The following ARHGAP42 variants were observed in gnomAD, a reference collection of about 807,000 sequenced individuals.
ARHGAP42 encodes the protein rho GTPase-activating protein 42.
A neutral mutation model predicts 125.0 loss-of-function variants in ARHGAP42; 63 were observed. That is an observed-to-expected ratio of 0.50 (90% CI 0.41 to 0.62). The LOEUF (loss-of-function observed/expected upper bound fraction) is 0.62, where lower values mean the gene tolerates loss of function less well. ARHGAP42 is among the 20% of genes least tolerant of loss of function. ARHGAP42 has a pLI of 0.00. For synonymous variants in ARHGAP42, 339 were observed against 351.0 expected (o/e 0.97, Z 0.38); for missense variants, 766 against 1,024.2 (o/e 0.75, Z 3.44).
At chr11:100,979,143 C>G (rs183048955) in intron 22 of ARHGAP42, 94 bp downstream of exon 22, 5 of 1,239,554 alleles carry the variant, frequency 4.0e-6, no homozygotes, top group East Asian at 5.1e-5. Context: ...CTCCGCCTCT[C>G]CATTATGCAG....
intron 4 of ARHGAP42, among the ~76,000 whole-genome samples, chr11:100,894,926 GC>G (rs1226867740): frequency 1.3e-5 from 2 of 152,168 alleles, no homozygotes; most frequent in Non-Finnish European, 2.9e-5. Context: ...AACACACAGG[GC>G]CGCAACACCT....
chr11:100,756,902 G>T (rs1182029534), intron 1 of ARHGAP42, among the ~76,000 whole-genome samples: 4 of 152,072 alleles, frequency 2.6e-5, no homozygotes, highest in African/African-American at 9.7e-5. Flanking sequence ...TTTACTTTGT[G>T]CTTAGTTTTT....
At chr11:100,738,904 T>C (rs1338981693) in intron 1 of ARHGAP42, among the ~76,000 whole-genome samples, 1 of 152,204 alleles carries the variant, frequency 6.6e-6, no homozygotes, top group Non-Finnish European at 1.5e-5. Flanking sequence ...TTTAATTTAA[T>C]AGCATTCAAG....
chr11:100,735,152 G>C (rs746093371), intron 1 of ARHGAP42, among the ~76,000 whole-genome samples: 1 of 152,186 alleles, frequency 6.6e-6, no homozygotes, highest in Non-Finnish European at 1.5e-5. Flanking sequence ...AGTTGGACTT[G>C]ACAAAACCAT....
rs768872500 is a variant in ARHGAP42 at position 100,900,105 on chromosome 11, G to T, written c.385-13347G>T. 2.0e-5 allele frequency among the ~76,000 whole-genome samples: 3 copies of T among 152,246 alleles called. No individual in the cohort carries two copies. In the East Asian group the frequency reaches 5.8e-4, roughly 29 times the overall value. ...GACCTCTTGTAAGGCAGGCCTGGTG[G>T]TGACAAAATCTCTTGGCATTTGCTT... is the stretch of plus-strand genomic sequence containing the variant. On this transcript the variant is annotated intron_variant, in intron 4 of 23. Coordinates refer to ENST00000298815, the MANE Select transcript of ARHGAP42 (RefSeq NM_152432.4).
intron 2 of ARHGAP42, among the ~76,000 whole-genome samples, chr11:100,775,048 T>C (rs533194107): frequency 3.6e-4 from 55 of 152,164 alleles, no homozygotes; most frequent in African/African-American, 9.4e-4. Context: ...TCCCTTTTCA[T>C]TGAAGAGCAT....
At chr11:100,882,599 G>A (rs1865988163) in intron 4 of ARHGAP42, among the ~76,000 whole-genome samples, 1 of 151,816 alleles carries the variant, frequency 6.6e-6, no homozygotes, top group African/African-American at 2.4e-5. Flanking sequence ...TGGTATTAGG[G>A]TGGTACTGGC....
At chr11:100,908,803 G>A (rs1866825831) in intron 4 of ARHGAP42, among the ~76,000 whole-genome samples, 1 of 152,138 alleles carries the variant, frequency 6.6e-6, no homozygotes, top group Non-Finnish European at 1.5e-5. Flanking sequence ...TCTATTCTTA[G>A]TTCTTTGCAA....
chr11:100,944,824 G>T (rs1867975472), intron 10 of ARHGAP42, among the ~76,000 whole-genome samples: 1 of 151,978 alleles, frequency 6.6e-6, no homozygotes, highest in Non-Finnish European at 1.5e-5. Flanking sequence ...GAAGGATCTT[G>T]CCTCGATGTT....
intron 17 of ARHGAP42, among the ~76,000 whole-genome samples, chr11:100,966,510 G>T (rs1858098701): frequency 6.6e-6 from 1 of 151,796 alleles, no homozygotes; most frequent in South Asian, 2.1e-4. Flanking sequence ...TGGGAACTCA[G>T]TTTTTTTTCT....
chr11:100,838,968 A>G (rs901418374), intron 3 of ARHGAP42, among the ~76,000 whole-genome samples: 10 of 152,156 alleles, frequency 6.6e-5, no homozygotes, highest in South Asian at 2.1e-4. Flanking sequence ...TAGTGTCCCA[A>G]TGAAATTATA....
At chr11:100,900,654 A>G (rs1174998697) in intron 4 of ARHGAP42, among the ~76,000 whole-genome samples, 1 of 151,916 alleles carries the variant, frequency 6.6e-6, no homozygotes, top group African/African-American at 2.4e-5. Flanking sequence ...TTATTTCATT[A>G]ATTTGATCTT....
At chr11:100,890,826 A>T (rs1486621257) in intron 4 of ARHGAP42, among the ~76,000 whole-genome samples, 2 of 152,166 alleles carry the variant, frequency 1.3e-5, no homozygotes, top group Admixed American at 1.3e-4. Context: ...TTCTGTTATT[A>T]TCAAGGATAC....
intron 7 of ARHGAP42, among the ~76,000 whole-genome samples, chr11:100,935,554 T>A (rs1867712383): frequency 6.6e-6 from 1 of 152,072 alleles, no homozygotes; most frequent in South Asian, 2.1e-4. Context: ...TTACCTTAGG[T>A]ATTTAGGGAA....
chr11:100,878,042 C>A (rs1177583859), intron 4 of ARHGAP42, among the ~76,000 whole-genome samples: 1 of 150,028 alleles, frequency 6.7e-6, no homozygotes, highest in Non-Finnish European at 1.5e-5. Context: ...TGTTACCTAT[C>A]CTCAAGTGTT....
intron 1 of ARHGAP42, among the ~76,000 whole-genome samples, chr11:100,715,030 T>A (rs1861632737): frequency 8.1e-6 from 1 of 123,490 alleles, no homozygotes; most frequent in Admixed American, 1.1e-4. Flanking sequence ...GGCTGGGCGA[T>A]GCAGTGAAAC....
At chr11:100,783,094 A>C (rs937230693) in intron 2 of ARHGAP42, among the ~76,000 whole-genome samples, 1 of 152,122 alleles carries the variant, frequency 6.6e-6, no homozygotes, top group Non-Finnish European at 1.5e-5. Flanking sequence ...CTTTAATTTT[A>C]TGGAGATCCT....
In ARHGAP42 at chr11:100,992,858, A is replaced by G. The variant is rs1442144122; in HGVS notation, c.*4057A>G. Reference sequence around the variant, plus strand: ...ATCTGCATGTCCTAGACCAATGATTACAAGGTGTCTGTGGTTTAGGGGGCC... The same window carrying G: ...ATCTGCATGTCCTAGACCAATGATTGCAAGGTGTCTGTGGTTTAGGGGGCC... On this transcript the variant is annotated 3_prime_UTR_variant, in exon 24 of 24. Transcript: ENST00000298815. The G allele has an allele frequency of 2.3e-5, 15 of 646,136 alleles. No individual in the cohort carries two copies. The highest frequency in any genetic ancestry group is 3.4e-5 in the Non-Finnish European group (14 of 406,832). 40.0% of individuals were successfully genotyped at this position (646,136 alleles called of 1,614,324 possible). A position where few individuals can be genotyped will look rare whatever the true frequency, so the allele number is the denominator to read the frequency against.
intron 1 of ARHGAP42, among the ~76,000 whole-genome samples, chr11:100,768,153 A>G (rs142213841): frequency 6.6e-6 from 1 of 152,178 alleles, no homozygotes; most frequent in Non-Finnish European, 1.5e-5. Flanking sequence ...TGACATTTGT[A>G]AAAAAGGTAA....
Sources: allele counts gnomAD v4.1 joint callset (sites outside exome capture counted in the v4.1 genomes callset), GRCh38; gene constraint gnomAD v4.1.1; transcripts MANE v1.5; gene names NCBI Gene and HGNC (gene_info 2026-07-23, HGNC 2026-07-21).